Variants in VPS13B observed in about 807,000 individuals in gnomAD.
The protein encoded by VPS13B is vacuolar protein sorting 13 homolog B, also known as intermembrane lipid transfer protein VPS13B.
Under a neutral mutation model 426.4 loss-of-function variants are expected in VPS13B, and 285 were observed. The ratio of observed to expected loss-of-function variants is 0.67; its 90% CI spans 0.61 to 0.74. VPS13B has a LOEUF of 0.74. Among genes scored for constraint, VPS13B ranks in the 30% least tolerant of loss-of-function variants. The pLI is 0.00. For missense variants in VPS13B, 4,537 were observed against 4,782.6 expected, an observed-to-expected ratio of 0.95 and a Z score of 1.51; for synonymous variants, 1,676 against 1,676.4, an observed-to-expected ratio of 1.00 and a Z score of 0.01.
intron 41 of VPS13B, among the ~76,000 whole-genome samples, chr8:99,778,150 T>C (rs1811833207): frequency 1.3e-5 from 2 of 150,692 alleles, no homozygotes; most frequent in Non-Finnish European, 2.9e-5. Flanking sequence ...GAGAATCGCT[T>C]GAACCCAGGA....
intron 35 of VPS13B, among the ~76,000 whole-genome samples, chr8:99,663,017 A>G (rs1466705909): frequency 6.6e-6 from 1 of 152,206 alleles, no homozygotes; most frequent in Non-Finnish European, 1.5e-5. Flanking sequence ...AGATCACGCC[A>G]CTGCGCTCCA....
At chr8:99,670,653 G>A (rs777901544) in intron 35 of VPS13B, among the ~76,000 whole-genome samples, 5 of 151,942 alleles carry the variant, frequency 3.3e-5, no homozygotes, top group Non-Finnish European at 7.4e-5. Context: ...CCTTCCCCTA[G>A]CCCCTGGCAA....
intron 19 of VPS13B, among the ~76,000 whole-genome samples, chr8:99,316,116 G>A (rs1281170969): frequency 2.6e-5 from 4 of 152,214 alleles, no homozygotes; most frequent in African/African-American, 7.2e-5. Flanking sequence ...GTTGCTTTCA[G>A]TGTCAGTGGT....
At chr8:99,084,434 T>A (rs1207239489) in intron 3 of VPS13B, among the ~76,000 whole-genome samples, 1 of 152,198 alleles carries the variant, frequency 6.6e-6, no homozygotes, top group African/African-American at 2.4e-5. Context: ...TTTGAAGGGT[T>A]TTTTGTGTCT....
intron 21 of VPS13B, among the ~76,000 whole-genome samples, chr8:99,409,242 G>A (rs1039674884): frequency 2.4e-4 from 36 of 152,244 alleles, no homozygotes; most frequent in African/African-American, 8.7e-4. Context: ...GAGGTCAGGT[G>A]GGGATTGCAC....
At chr8:99,566,859 T>C (rs1825216075) in intron 31 of VPS13B, among the ~76,000 whole-genome samples, 1 of 152,230 alleles carries the variant, frequency 6.6e-6, no homozygotes. Context: ...TATAATTCTG[T>C]GAGCACTATA....
chr8:99,438,590 G>T (rs1817522135), intron 22 of VPS13B, among the ~76,000 whole-genome samples: 1 of 152,088 alleles, frequency 6.6e-6, no homozygotes, highest in Admixed American at 6.6e-5. Context: ...TATGGAAAAA[G>T]TGTGAAGATT....
In VPS13B at chr8:99,085,685, G is replaced by A. The variant is rs994334396; in HGVS notation, c.292-10627G>A. 1.6e-4 allele frequency among the ~76,000 whole-genome samples: 24 copies of A among 152,216 alleles called. No homozygotes were observed. In the South Asian group the frequency reaches 1.9e-3, roughly 12 times the overall value. ...TCTCAGCATTTGCTTGTCTGTAAAG[G>A]ATTTTATTCTCCTTCACTTGTCAAG... On this transcript the variant is annotated intron_variant, in intron 3 of 61. Transcript: ENST00000357162.
intron 19 of VPS13B, among the ~76,000 whole-genome samples, chr8:99,314,542 T>A (rs1296973215): frequency 6.6e-6 from 1 of 152,142 alleles, no homozygotes; most frequent in Non-Finnish European, 1.5e-5. Flanking sequence ...ACTATTATTA[T>A]ATTGGAGTGA....
At chr8:99,868,612 A>G in intron 59 of VPS13B, 147 bp downstream of exon 59, 1 of 929,122 alleles carries the variant, frequency 1.1e-6, no homozygotes, top group Non-Finnish European at 1.6e-6. Flanking sequence ...ACAGAGTAGA[A>G]TTTTACTACT....
intron 17 of VPS13B, among the ~76,000 whole-genome samples, chr8:99,231,641 C>T (rs2132857377): frequency 1.3e-5 from 2 of 151,922 alleles, no homozygotes; most frequent in South Asian, 4.2e-4. Context: ...TATTTTTTTT[C>T]CAACTCATTT....
At chr8:99,174,540 A>G (rs759738961) in intron 16 of VPS13B, among the ~76,000 whole-genome samples, 6 of 152,070 alleles carry the variant, frequency 3.9e-5, no homozygotes, top group Admixed American at 6.5e-5. Flanking sequence ...TTTAATTTGC[A>G]TTTTCCTAAT....
chr8:99,566,342 A>G (rs1825183549), intron 31 of VPS13B, among the ~76,000 whole-genome samples: 1 of 152,210 alleles, frequency 6.6e-6, no homozygotes, highest in African/African-American at 2.4e-5. Flanking sequence ...CTTTACAGTC[A>G]TCTTACAGCT....
intron 19 of VPS13B, chr8:99,346,393 CCATGGCT>C (rs1322129712): frequency 6.6e-6 from 1 of 152,126 alleles, no homozygotes; most frequent in Admixed American, 6.6e-5. Flanking sequence ...TCCCAGCTTG[CCATGGCT>C]CTCATCTCTG....
chr8:99,057,249 T>G (rs989388034), intron 3 of VPS13B, among the ~76,000 whole-genome samples: 1 of 152,128 alleles, frequency 6.6e-6, no homozygotes, highest in Non-Finnish European at 1.5e-5. Flanking sequence ...AAGTTAATAT[T>G]TATACCTCAT....
chr8:99,312,102 C>T (rs1329304634), intron 19 of VPS13B, among the ~76,000 whole-genome samples: 1 of 152,292 alleles, frequency 6.6e-6, no homozygotes, highest in East Asian at 1.9e-4. Context: ...ATACAGCACA[C>T]TGATGGGACT....
At chr8:99,573,126 T>C (rs533278568) in intron 31 of VPS13B, among the ~76,000 whole-genome samples, 12 of 152,274 alleles carry the variant, frequency 7.9e-5, no homozygotes, top group African/African-American at 2.9e-4. Context: ...TGTTCATATC[T>C]TTTGCCCACT....
chr8:99,402,802 G>A (rs772550575), intron 21 of VPS13B, among the ~76,000 whole-genome samples: 1 of 152,192 alleles, frequency 6.6e-6, no homozygotes, highest in Non-Finnish European at 1.5e-5. Context: ...GAAGAAGTAA[G>A]CCTGAGAAAG....
chr8:99,198,545 A>G (rs1588133671), intron 17 of VPS13B, among the ~76,000 whole-genome samples: 1 of 152,142 alleles, frequency 6.6e-6, no homozygotes, highest in Non-Finnish European at 1.5e-5. Context: ...CTATTCTAAA[A>G]ATATTCTGTG....
Sources: gnomAD v4.1 joint callset for allele counts (sites outside exome capture counted in the v4.1 genomes callset) on GRCh38, gnomAD v4.1.1 for gene constraint, MANE v1.5 for transcripts, NCBI Gene and HGNC (gene_info 2026-07-23, HGNC 2026-07-21) for gene names.